The following CHN2 variants were observed in gnomAD, a reference collection of about 807,000 sequenced individuals.
CHN2 encodes the protein beta-chimaerin.
Under a neutral mutation model 56.3 loss-of-function variants are expected in CHN2, and 35 were observed. The ratio of observed to expected loss-of-function variants is 0.62; its 90% CI spans 0.47 to 0.82. The LOEUF (loss-of-function observed/expected upper bound fraction) is 0.82, where lower values mean the gene tolerates loss of function less well. CHN2 is among the 40% of genes least tolerant of loss of function. The probability of loss-of-function intolerance (pLI) is 0.00; values close to 1 mark genes in which losing one functional copy is unlikely to be tolerated. For missense variants in CHN2, 491 were observed against 580.5 expected (o/e 0.85, Z 1.58); for synonymous variants, 210 against 212.8 (o/e 0.99, Z 0.12).
intron 1 of CHN2, among the ~76,000 whole-genome samples, chr7:29,254,476 A>T (rs1333871035): frequency 1.3e-5 from 2 of 152,256 alleles, no homozygotes; most frequent in Non-Finnish European, 2.9e-5. Context: ...ATTAAGGATT[A>T]AAAAACCTAA....
intron 1 of CHN2, among the ~76,000 whole-genome samples, chr7:29,222,576 G>A (rs1319453198): frequency 1.3e-5 from 2 of 152,000 alleles, no homozygotes; most frequent in Admixed American, 6.6e-5. Flanking sequence ...AACCTTCACC[G>A]TGAAAACTGC....
chr7:29,328,183 C>T (rs922104691), intron 1 of CHN2, among the ~76,000 whole-genome samples: 1 of 152,128 alleles, frequency 6.6e-6, no homozygotes, highest in South Asian at 2.1e-4. Flanking sequence ...GGATCTGGAA[C>T]CCGAGAAGTC....
intron 1 of CHN2, among the ~76,000 whole-genome samples, chr7:29,211,355 G>C (rs1486299406): frequency 6.6e-6 from 1 of 151,846 alleles, no homozygotes; most frequent in African/African-American, 2.4e-5. Context: ...TGGGATTACA[G>C]GCGTGAGCCA....
chr7:29,317,140 T>C (rs923672088), intron 1 of CHN2, among the ~76,000 whole-genome samples: 1 of 152,196 alleles, frequency 6.6e-6, no homozygotes, highest in Non-Finnish European at 1.5e-5. Context: ...CAGTTATGTT[T>C]AAATTAAATT....
In CHN2 at chr7:29,196,222, G is replaced by C. The variant is rs140565823; in HGVS notation, c.49+1232G>C. Among the ~76,000 whole-genome samples, 2 of 152,342 alleles carry C rather than the reference G, an allele frequency of 1.3e-5. 1 individual carries two copies. Among genetic ancestry groups the C allele is most frequent in the Non-Finnish European group, 2.9e-5 (2 of 68,040 alleles). Reference sequence around the variant, plus strand: ...GTGAATTTGACTAAGGTGCAATTGTGATGTGGCACAAGGTGATCACTTGAA... The same window carrying C: ...GTGAATTTGACTAAGGTGCAATTGTCATGTGGCACAAGGTGATCACTTGAA... On this transcript the variant is annotated intron_variant, in intron 1 of 12. Coordinates refer to ENST00000222792, the MANE Select transcript of CHN2 (RefSeq NM_004067.4).
intron 1 of CHN2, among the ~76,000 whole-genome samples, chr7:29,232,693 A>G (rs184769751): frequency 6.6e-6 from 1 of 152,268 alleles, no homozygotes; most frequent in Admixed American, 6.5e-5. Flanking sequence ...ATTCCTTTCC[A>G]TCTGAGCTGA....
At chr7:29,193,566 T>G (rs1454370122), upstream of CHN2, 1 of 152,222 alleles carries the variant, frequency 6.6e-6, no homozygotes, top group Non-Finnish European at 1.5e-5. Flanking sequence ...AGTTTTCTGT[T>G]GCTTTAGGAT....
At chr7:29,377,146 C>T (rs986744705) in intron 3 of CHN2, among the ~76,000 whole-genome samples, 1 of 152,132 alleles carries the variant, frequency 6.6e-6, no homozygotes, top group African/African-American at 2.4e-5. Flanking sequence ...GCCTCAGCCT[C>T]CCTAGTAGCT....
chr7:29,369,949 A>G (rs1799476473), intron 3 of CHN2, among the ~76,000 whole-genome samples: 1 of 152,194 alleles, frequency 6.6e-6, no homozygotes, highest in African/African-American at 2.4e-5. Context: ...TTCCTCTAGA[A>G]TTCCATATCC....
intron 1 of CHN2, chr7:29,212,363 A>G: frequency 6.4e-7 from 1 of 1,569,808 alleles, no homozygotes; most frequent in Non-Finnish European, 8.8e-7. Context: ...ACTGTAAAGA[A>G]TCTTAACCTA....
intron 1 of CHN2, among the ~76,000 whole-genome samples, chr7:29,211,621 A>G (rs1784965986): frequency 6.6e-6 from 1 of 151,884 alleles, no homozygotes; most frequent in African/African-American, 2.4e-5. Flanking sequence ...TTCAGAATCC[A>G]CTCTAGAGTG....
intron 1 of CHN2, among the ~76,000 whole-genome samples, chr7:29,352,934 G>A (rs1797996363): frequency 6.6e-6 from 1 of 152,164 alleles, no homozygotes; most frequent in South Asian, 2.1e-4. Flanking sequence ...AAATTAATTG[G>A]TTGTTTGGGT....
intron 2 of CHN2, among the ~76,000 whole-genome samples, chr7:29,362,397 G>A (rs1179348812): frequency 1.3e-5 from 2 of 152,164 alleles, no homozygotes; most frequent in African/African-American, 4.8e-5. Flanking sequence ...AATATGCCTG[G>A]CACATGGTCT....
intron 1 of CHN2, among the ~76,000 whole-genome samples, chr7:29,337,409 G>A (rs1796711252): frequency 6.6e-6 from 1 of 152,192 alleles, no homozygotes; most frequent in Non-Finnish European, 1.5e-5. Context: ...AAGAGGATAT[G>A]ACTGCTGCCA....
At chr7:29,426,862 C>G (rs181071914) in intron 6 of CHN2, among the ~76,000 whole-genome samples, 2 of 152,198 alleles carry the variant, frequency 1.3e-5, no homozygotes, top group African/African-American at 4.8e-5. Flanking sequence ...GCTGGCTGTC[C>G]GCTGGGGACT....
rs956060560 is a variant in CHN2, at chr7:29,502,111, C to T, written c.913+2071C>T. Among the ~76,000 whole-genome samples the T allele has an allele frequency of 2.0e-5, 3 of 152,168 alleles. No homozygotes were observed. In the South Asian group the frequency reaches 6.2e-4, roughly 32 times the overall value. On this transcript the variant is annotated intron_variant, in intron 9 of 12. Coordinates refer to ENST00000222792, the MANE Select transcript of CHN2 (RefSeq NM_004067.4). The stretch of plus-strand genomic sequence containing the variant: ...TTTCTTGGAATGACCCACACCCATA[C>T]CTCCACCTCCAAATCTGTCTAACTA...
At chr7:29,457,826 T>C (rs1422701740) in intron 6 of CHN2, among the ~76,000 whole-genome samples, 3 of 152,216 alleles carry the variant, frequency 2.0e-5, no homozygotes, top group Non-Finnish European at 4.4e-5. Context: ...GGGAACAAGA[T>C]GCCCTGACGT....
At chr7:29,399,232 C>T (rs1294649589) in intron 5 of CHN2, among the ~76,000 whole-genome samples, 2 of 152,274 alleles carry the variant, frequency 1.3e-5, no homozygotes, top group Middle Eastern at 3.4e-3. Flanking sequence ...TCTAGCTGGC[C>T]GAGGCTGCAG....
At chr7:29,278,126 C>T (rs998141469) in intron 1 of CHN2, among the ~76,000 whole-genome samples, 1 of 152,132 alleles carries the variant, frequency 6.6e-6, no homozygotes, top group Non-Finnish European at 1.5e-5. Context: ...TTTCAGCTGC[C>T]CCTTGGAGTC....
Sources: allele counts gnomAD v4.1 joint callset (sites outside exome capture counted in the v4.1 genomes callset), GRCh38; gene constraint gnomAD v4.1.1; transcripts MANE v1.5; gene names NCBI Gene and HGNC (gene_info 2026-07-23, HGNC 2026-07-21).